C4orf36: variants seen among roughly 807,000 people sequenced by gnomAD.
C4orf36 encodes the protein chromosome 4 open reading frame 36.
Under a neutral mutation model 12.2 loss-of-function variants are expected in C4orf36, and 11 were observed. That is an observed-to-expected ratio of 0.90 (90% CI 0.57 to 1.49). The LOEUF is 1.49. Among genes scored for constraint, C4orf36 ranks in the 40% most tolerant of loss-of-function variants. C4orf36 has a pLI of 0.00. For synonymous variants in C4orf36, 54 were observed against 51.3 expected, an observed-to-expected ratio of 1.05 and a Z score of -0.22; for missense variants, 137 against 133.9, an observed-to-expected ratio of 1.02 and a Z score of -0.11.
At position 86,878,216 on chromosome 4, in the gene C4orf36, C is replaced by A. The variant is rs1746971766; in HGVS notation, c.*3-1773G>T. On this transcript the variant is annotated intron_variant, in intron 4 of 4. Transcript: ENST00000295898. ...CCGACAGACTGGAGCTGAGTGGCTG[C>A]TGCCCCTTTGGAGGAGGCGCATGCT... Among the ~76,000 whole-genome samples, 3 of 152,114 alleles carry A rather than the reference C, an allele frequency of 2.0e-5. No homozygotes were observed. In the South Asian group the frequency reaches 6.2e-4, roughly 32 times the overall value.
At chr4:86,932,674 T>C in the C4orf36 span, among the ~76,000 whole-genome samples, 5 of 146,408 alleles carry the variant, frequency 3.4e-5, no homozygotes, top group East Asian at 1.0e-3. Context: ...AGTAAAATCA[T>C]GGCTGAAAAT....
the C4orf36 span, among the ~76,000 whole-genome samples, chr4:86,902,472 A>G: frequency 6.6e-6 from 1 of 151,868 alleles, no homozygotes; most frequent in Non-Finnish European, 1.5e-5. Flanking sequence ...AAGGGAATGA[A>G]CAGACTCTCT....
At chr4:86,895,796 T>A (rs368992635), upstream of C4orf36, among the ~76,000 whole-genome samples, 54 of 152,382 alleles carry the variant, frequency 3.5e-4, no homozygotes, top group African/African-American at 1.2e-3. Context: ...TCTATTGCTA[T>A]CTCTATTCAT....
At chr4:86,891,375 G>C in intron 2 of C4orf36, 81 bp downstream of exon 2, 1 of 1,294,872 alleles carries the variant, frequency 7.7e-7, no homozygotes, top group Non-Finnish European at 1.1e-6. Flanking sequence ...AGCACAGAGT[G>C]TCCAGTCCTT....
At chr4:86,910,080 A>G in the C4orf36 span, among the ~76,000 whole-genome samples, 1 of 152,086 alleles carries the variant, frequency 6.6e-6, no homozygotes. Flanking sequence ...ACCCCACTGC[A>G]TTTCATTTCT....
the C4orf36 span, among the ~76,000 whole-genome samples, chr4:86,932,068 C>T: frequency 2.0e-5 from 3 of 149,018 alleles, no homozygotes; most frequent in East Asian, 2.0e-4. Flanking sequence ...AGATTTATTC[C>T]GGGCGTGGTG....
chr4:86,916,563 C>T, the C4orf36 span, among the ~76,000 whole-genome samples: 10 of 152,102 alleles, frequency 6.6e-5, no homozygotes, highest in Non-Finnish European at 1.5e-4. Flanking sequence ...CCAACACTGA[C>T]CCCTGATATG....
the C4orf36 span, among the ~76,000 whole-genome samples, chr4:86,931,904 A>G: frequency 1.1e-4 from 17 of 151,848 alleles, no homozygotes; most frequent in East Asian, 5.8e-4. Context: ...GCGTGGTGGC[A>G]GGCGCCTGTA....
the C4orf36 span, among the ~76,000 whole-genome samples, chr4:86,926,586 G>A: frequency 3.9e-5 from 6 of 152,114 alleles, no homozygotes; most frequent in Admixed American, 1.3e-4. Flanking sequence ...ATGAATCTCC[G>A]GGTTGGCCAC....
the C4orf36 span, among the ~76,000 whole-genome samples, chr4:86,932,685 T>C: frequency 6.4e-5 from 9 of 140,706 alleles, no homozygotes; most frequent in Non-Finnish European, 1.3e-4. Flanking sequence ...GGCTGAAAAT[T>C]GTCAGGTAAC....
At chr4:86,904,459 C>G in the C4orf36 span, among the ~76,000 whole-genome samples, 1 of 152,052 alleles carries the variant, frequency 6.6e-6, no homozygotes, top group African/African-American at 2.4e-5. Context: ...ACGTTGTCAC[C>G]TCTCACCAGC....
At chr4:86,877,062 T>C (rs1342606314) in intron 4 of C4orf36, among the ~76,000 whole-genome samples, 1 of 152,216 alleles carries the variant, frequency 6.6e-6, no homozygotes, top group African/African-American at 2.4e-5. Flanking sequence ...AAGAAAGAGT[T>C]CAGGCCGCTC....
the C4orf36 span, among the ~76,000 whole-genome samples, chr4:86,919,902 G>A: frequency 6.6e-6 from 1 of 152,174 alleles, no homozygotes; most frequent in Non-Finnish European, 1.5e-5. Context: ...GAGAGTGGGG[G>A]AGTAGCATCC....
chr4:86,915,857 T>C, the C4orf36 span, among the ~76,000 whole-genome samples: 2 of 152,098 alleles, frequency 1.3e-5, no homozygotes, highest in African/African-American at 4.8e-5. Context: ...TGCCATGTGA[T>C]GATGGAGACA....
At chr4:86,906,487 G>A in the C4orf36 span, among the ~76,000 whole-genome samples, 1 of 152,080 alleles carries the variant, frequency 6.6e-6, no homozygotes, top group Non-Finnish European at 1.5e-5. Context: ...CAGCATTTTG[G>A]GAGGCCAAGG....
intron 4 of C4orf36, among the ~76,000 whole-genome samples, chr4:86,880,980 C>A (rs957928428): frequency 5.4e-5 from 8 of 149,516 alleles, no homozygotes; most frequent in African/African-American, 2.0e-4. Context: ...TTGCAGTGAG[C>A]TGAGATCACA....
the C4orf36 span, among the ~76,000 whole-genome samples, chr4:86,910,493 G>C: frequency 6.6e-6 from 1 of 152,218 alleles, no homozygotes; most frequent in Admixed American, 6.5e-5. Flanking sequence ...AACGGAGAAA[G>C]AAGGAAGACC....
At chr4:86,916,796 C>T in the C4orf36 span, among the ~76,000 whole-genome samples, 1 of 152,220 alleles carries the variant, frequency 6.6e-6, no homozygotes, top group Non-Finnish European at 1.5e-5. Flanking sequence ...GCTCAAGAAA[C>T]TCATTTCATG....
chr4:86,876,717 G>C (rs1746936494), intron 4 of C4orf36: 2 of 1,557,294 alleles, frequency 1.3e-6, no homozygotes, highest in Non-Finnish European at 1.7e-6. Context: ...TTACTATTCA[G>C]AATTTAGGAA....
Sources: allele counts gnomAD v4.1 joint callset (sites outside exome capture counted in the v4.1 genomes callset), GRCh38; gene constraint gnomAD v4.1.1; transcripts MANE v1.5; gene names NCBI Gene and HGNC (gene_info 2026-07-23, HGNC 2026-07-21).